Variants in RCAN2 observed in about 807,000 individuals in gnomAD.
The protein encoded by RCAN2 is regulator of calcineurin 2.
RCAN2 carries 9 observed loss-of-function variants against 23.6 expected under a neutral mutation model. The observed-to-expected ratio is 0.38, with a 90% CI of 0.23 to 0.67. The LOEUF (loss-of-function observed/expected upper bound fraction) is 0.67, where lower values mean the gene tolerates loss of function less well. Ranked by LOEUF, RCAN2 falls within the 30% of genes least tolerant of loss-of-function variation. The pLI is 0.51. For missense variants in RCAN2, 273 were observed against 302.3 expected, an observed-to-expected ratio of 0.90 and a Z score of 0.72; for synonymous variants, 109 against 115.7, an observed-to-expected ratio of 0.94 and a Z score of 0.37.
At chr6:46,469,082 A>G (rs572420779) in intron 1 of RCAN2, among the ~76,000 whole-genome samples, 2 of 152,056 alleles carry the variant, frequency 1.3e-5, no homozygotes, top group South Asian at 4.2e-4. Context: ...TCAGGTTCCT[A>G]CAGAAGCCAG....
At chr6:46,284,797 C>T (rs1762316529) in intron 2 of RCAN2, among the ~76,000 whole-genome samples, 1 of 151,820 alleles carries the variant, frequency 6.6e-6, no homozygotes, top group Non-Finnish European at 1.5e-5. Context: ...TGACACAGTT[C>T]CTTTTTCCTG....
intron 2 of RCAN2, among the ~76,000 whole-genome samples, chr6:46,379,149 T>C (rs1291323778): frequency 6.6e-6 from 1 of 152,168 alleles, no homozygotes; most frequent in Non-Finnish European, 1.5e-5. Flanking sequence ...TATAAAACTG[T>C]GAGAATTAGG....
chr6:46,411,686 G>A (rs978494766), intron 2 of RCAN2, among the ~76,000 whole-genome samples: 4 of 152,058 alleles, frequency 2.6e-5, no homozygotes, highest in African/African-American at 9.7e-5. Flanking sequence ...AAATGTGAGA[G>A]TAAGTCCAAT....
At chr6:46,438,039 CT>C (rs1767422379) in intron 2 of RCAN2, among the ~76,000 whole-genome samples, 1 of 152,132 alleles carries the variant, frequency 6.6e-6, no homozygotes, top group South Asian at 2.1e-4. Context: ...GCTGGGTTTA[CT>C]TGGAGAAGCA....
At chr6:46,297,576 T>C (rs1010243557) in intron 2 of RCAN2, among the ~76,000 whole-genome samples, 1 of 152,004 alleles carries the variant, frequency 6.6e-6, no homozygotes. Flanking sequence ...TTCCCACAAG[T>C]AGAGGCACAG....
chr6:46,441,978 T>C (rs1279031139), intron 2 of RCAN2, among the ~76,000 whole-genome samples: 1 of 152,190 alleles, frequency 6.6e-6, no homozygotes. Context: ...TTGAACTAAA[T>C]GTCAGGCCTG....
chr6:46,363,183 A>G (rs986619256), intron 2 of RCAN2, among the ~76,000 whole-genome samples: 1 of 152,220 alleles, frequency 6.6e-6, no homozygotes, highest in African/African-American at 2.4e-5. Context: ...TGAATAATTC[A>G]TCATTTAATT....
intron 4 of RCAN2, among the ~76,000 whole-genome samples, chr6:46,236,707 T>G (rs1202175266): frequency 6.6e-6 from 1 of 152,212 alleles, no homozygotes; most frequent in Non-Finnish European, 1.5e-5. Context: ...CTTCCTATAG[T>G]TTAACTTGTG....
intron 2 of RCAN2, among the ~76,000 whole-genome samples, chr6:46,420,522 C>T (rs1327216179): frequency 6.6e-6 from 1 of 150,896 alleles, no homozygotes; most frequent in Non-Finnish European, 1.5e-5. Context: ...TTTATAATGT[C>T]ATTTCAATGT....
In RCAN2 at chr6:46,456,932, C is replaced by T. The variant is rs758265243; in HGVS notation, c.45G>A (p.Gln15=). Residue 15 remains glutamine, a synonymous_variant, in exon 2 of 5, where the codon CAG becomes CAA. Coordinates refer to ENST00000371374, the MANE Select transcript of RCAN2 (RefSeq NM_001251974.2). ...SYFIGMRSPG[Q]QGHVPEDGGL... ...CTCCATCTTCAGGGACGTGTCCCTGCTGCCCTGGGCTCCTCATTCCGATGA... is the reference window on the plus strand; with the variant it reads ...CTCCATCTTCAGGGACGTGTCCCTGTTGCCCTGGGCTCCTCATTCCGATGA... 2.2e-5 allele frequency: 34 copies of T among 1,550,638 alleles called. No individual in the cohort carries two copies. Among genetic ancestry groups the T allele is most frequent in the Non-Finnish European group, 2.8e-5 (32 of 1,146,940 alleles).
chr6:46,235,125 A>G (rs1766047326), intron 4 of RCAN2, among the ~76,000 whole-genome samples: 1 of 152,222 alleles, frequency 6.6e-6, no homozygotes, highest in Non-Finnish European at 1.5e-5. Context: ...GATTATGCAA[A>G]GTTTATAAAA....
intron 2 of RCAN2, among the ~76,000 whole-genome samples, chr6:46,309,320 T>C (rs921167345): frequency 1.3e-5 from 2 of 152,366 alleles, no homozygotes; most frequent in South Asian, 2.1e-4. Context: ...CCTAGTTGTC[T>C]AATTTTTAGT....
intron 2 of RCAN2, among the ~76,000 whole-genome samples, chr6:46,348,366 C>T (rs551940952): frequency 1.3e-5 from 2 of 152,288 alleles, no homozygotes; most frequent in East Asian, 3.9e-4. Context: ...TCCTAGACAA[C>T]AGCCAGCCGT....
At chr6:46,413,597 T>G (rs547976597) in intron 2 of RCAN2, among the ~76,000 whole-genome samples, 4 of 152,238 alleles carry the variant, frequency 2.6e-5, no homozygotes, top group African/African-American at 9.6e-5. Context: ...TGTACGAGTA[T>G]ATGATCTTAG....
chr6:46,368,120 T>C (rs1295185133), intron 2 of RCAN2, among the ~76,000 whole-genome samples: 1 of 152,248 alleles, frequency 6.6e-6, no homozygotes, highest in Non-Finnish European at 1.5e-5. Context: ...TTTGCCTTTA[T>C]AGGGTGAAGG....
chr6:46,276,852 G>A (rs1266526618), intron 2 of RCAN2, among the ~76,000 whole-genome samples: 2 of 152,186 alleles, frequency 1.3e-5, no homozygotes, highest in East Asian at 3.8e-4. Flanking sequence ...GTTGAACAGA[G>A]CAGCAAACAT....
At chr6:46,424,409 C>T (rs936841823) in intron 2 of RCAN2, among the ~76,000 whole-genome samples, 6 of 152,124 alleles carry the variant, frequency 3.9e-5, no homozygotes, top group Non-Finnish European at 8.8e-5. Flanking sequence ...GGGTGTCCTG[C>T]CTCTGAAGCA....
intron 2 of RCAN2, among the ~76,000 whole-genome samples, chr6:46,412,853 TG>T (rs1170614005): frequency 2.6e-5 from 4 of 152,102 alleles, no homozygotes; most frequent in Non-Finnish European, 5.9e-5. Context: ...ACAGAGAGAA[TG>T]ATAGCTTTTG....
chr6:46,404,592 T>C (rs1766346081), intron 2 of RCAN2, among the ~76,000 whole-genome samples: 1 of 152,248 alleles, frequency 6.6e-6, no homozygotes, highest in South Asian at 2.1e-4. Context: ...ATATCTTTAA[T>C]ATAGCCTAGA....
Sources: allele counts gnomAD v4.1 joint callset (sites outside exome capture counted in the v4.1 genomes callset), GRCh38; gene constraint gnomAD v4.1.1; transcripts MANE v1.5; gene names NCBI Gene and HGNC (gene_info 2026-07-23, HGNC 2026-07-21).